The following PRKAG2 variants were observed in gnomAD, a reference collection of about 807,000 sequenced individuals.
PRKAG2 encodes the protein 5'-AMP-activated protein kinase subunit gamma-2.
Under a neutral mutation model 69.6 loss-of-function variants are expected in PRKAG2, and 26 were observed. The observed-to-expected ratio is 0.37, with a 90% CI of 0.27 to 0.52. The LOEUF (loss-of-function observed/expected upper bound fraction) is 0.52. Ranked by LOEUF, PRKAG2 falls within the 20% of genes least tolerant of loss-of-function variation. The pLI is 0.90. For synonymous variants in PRKAG2, 293 were observed against 285.0 expected (o/e 1.03, Z -0.28); for missense variants, 557 against 740.0 (o/e 0.75, Z 2.87).
chr7:151,796,783 G>A (rs1324411749), intron 1 of PRKAG2, among the ~76,000 whole-genome samples: 3 of 152,074 alleles, frequency 2.0e-5, no homozygotes, highest in Non-Finnish European at 4.4e-5. Context: ...GACGGCCCGG[G>A]GGCCAGTAAA....
intron 1 of PRKAG2, among the ~76,000 whole-genome samples, chr7:151,823,575 A>G (rs1183617922): frequency 6.6e-6 from 1 of 151,906 alleles, no homozygotes; most frequent in Non-Finnish European, 1.5e-5. Flanking sequence ...CTGCCTAACC[A>G]GTCCTGGCCT....
At chr7:151,640,661 C>T (rs1027430864) in intron 4 of PRKAG2, among the ~76,000 whole-genome samples, 12 of 147,846 alleles carry the variant, frequency 8.1e-5, no homozygotes, top group South Asian at 6.2e-4. Flanking sequence ...CTTCCCCCAC[C>T]GCCTTCCTTC....
intron 1 of PRKAG2, among the ~76,000 whole-genome samples, chr7:151,867,908 G>A (rs549830900): frequency 1.3e-5 from 2 of 152,252 alleles, no homozygotes; most frequent in South Asian, 4.1e-4. Context: ...CACAGTGGAG[G>A]TCACTGCAGG....
intron 3 of PRKAG2, among the ~76,000 whole-genome samples, chr7:151,759,501 G>A (rs1030076800): frequency 2.7e-4 from 41 of 152,314 alleles, no homozygotes; most frequent in African/African-American, 9.6e-4. Context: ...CTCATGTAAC[G>A]TGGTGCAGGT....
At chr7:151,747,536 G>A (rs1017407432) in intron 3 of PRKAG2, among the ~76,000 whole-genome samples, 5 of 150,388 alleles carry the variant, frequency 3.3e-5, no homozygotes, top group African/African-American at 7.4e-5. Flanking sequence ...CAGCCTGGGT[G>A]ATAGAGAGAG....
intron 3 of PRKAG2, among the ~76,000 whole-genome samples, chr7:151,724,546 G>A (rs938940065): frequency 6.6e-6 from 1 of 152,112 alleles, no homozygotes; most frequent in Non-Finnish European, 1.5e-5. Flanking sequence ...GGCCCTTGGA[G>A]GGTAGAGCTG....
chr7:151,803,293 C>T (rs4725434), intron 1 of PRKAG2, among the ~76,000 whole-genome samples: 42,923 of 151,806 alleles, frequency 0.28, 6,295 homozygotes, highest in East Asian at 0.4. Flanking sequence ...GCTGGGGAGC[C>T]GGAATTCCTT....
intron 1 of PRKAG2, among the ~76,000 whole-genome samples, chr7:151,838,621 C>T (rs58953739): frequency 0.072 from 10,782 of 150,748 alleles, 781 homozygotes; most frequent in East Asian, 0.37. Context: ...GTGGGAGGAC[C>T]GCTGGAGCCA....
At chr7:151,619,328 C>A (rs1820919608) in intron 5 of PRKAG2, among the ~76,000 whole-genome samples, 1 of 152,200 alleles carries the variant, frequency 6.6e-6, no homozygotes, top group Admixed American at 6.5e-5. Context: ...GAGTGAGACC[C>A]ACCTTGGCAG....
intron 8 of PRKAG2, among the ~76,000 whole-genome samples, chr7:151,572,982 G>T (rs1290750420): frequency 1.3e-5 from 2 of 151,918 alleles, no homozygotes; most frequent in African/African-American, 4.8e-5. Flanking sequence ...GCATATTGGT[G>T]GGTGCCTGTA....
At chr7:151,761,870 C>T (rs1223090003) in intron 3 of PRKAG2, among the ~76,000 whole-genome samples, 3 of 152,206 alleles carry the variant, frequency 2.0e-5, no homozygotes, top group Admixed American at 1.3e-4. Flanking sequence ...AAACCATGTC[C>T]CCAGACCACA....
chr7:151,766,353 G>A (rs943549299), intron 3 of PRKAG2, among the ~76,000 whole-genome samples: 1 of 152,246 alleles, frequency 6.6e-6, no homozygotes, highest in African/African-American at 2.4e-5. Flanking sequence ...GAAGAGTCTT[G>A]TCAAAAGGAG....
rs117776465 is a variant in PRKAG2, at chr7:151,669,257, A to T, written c.684+6163T>A. Among the ~76,000 whole-genome samples, 189 of 152,210 alleles carry T rather than the reference A, an allele frequency of 1.2e-3. No homozygotes were observed. The Middle Eastern group carries it at 0.02, about 16-fold the overall frequency. ...TCTCTCACATCAGGATACTTGAGCTATCTACACTAGAGATCACCACTTCTT... is the reference window on the plus strand; with the variant it reads ...TCTCTCACATCAGGATACTTGAGCTTTCTACACTAGAGATCACCACTTCTT... On this transcript the variant is annotated intron_variant, in intron 4 of 15. Transcript: ENST00000287878.
At chr7:151,676,261 C>T (rs71539894) in intron 3 of PRKAG2, among the ~76,000 whole-genome samples, 12 of 2,414 alleles carry the variant, frequency 5.0e-3, no homozygotes, top group South Asian at 0.014. Context: ...GGGGAGGGGA[C>T]GGGAGGGGAG....
intron 3 of PRKAG2, among the ~76,000 whole-genome samples, chr7:151,707,032 G>A (rs907449383): frequency 6.6e-6 from 1 of 152,252 alleles, no homozygotes; most frequent in Non-Finnish European, 1.5e-5. Context: ...TGCGTCCTGG[G>A]TGCCCCAGCC....
At position 151,797,010 on chromosome 7, in the gene PRKAG2, C is replaced by T. The variant is rs189406505; in HGVS notation, c.115-10469G>A. Among the ~76,000 whole-genome samples, 1,113 of 152,252 alleles carry T rather than the reference C, an allele frequency of 7.3e-3. 9 individuals are homozygous for T. The highest frequency in any genetic ancestry group is 0.021 in the African/African-American group (871 of 41,528). On this transcript the variant is annotated intron_variant, in intron 1 of 15. Transcript: ENST00000287878. Reference sequence around the variant, plus strand: ...CAGCCAATACCAGCATAGAGCCCTCCGTGGGCACTACCGACTCAAGGGAAA... The same window carrying T: ...CAGCCAATACCAGCATAGAGCCCTCTGTGGGCACTACCGACTCAAGGGAAA...
chr7:151,809,019 G>A (rs1029526007), intron 1 of PRKAG2, among the ~76,000 whole-genome samples: 1 of 152,164 alleles, frequency 6.6e-6, no homozygotes, highest in Non-Finnish European at 1.5e-5. Flanking sequence ...TCCCCCTGGA[G>A]TTCGTGTTGG....
In PRKAG2 at chr7:151,767,107, C is replaced by A. The variant is rs547722223; in HGVS notation, c.466+14045G>T. On this transcript the variant is annotated intron_variant, in intron 3 of 15. Coordinates refer to ENST00000287878, the MANE Select transcript of PRKAG2 (RefSeq NM_016203.4). ...CACAGAGACATGTGCATGGAAAAAC[C>A]TCTGTGAAGATGAAGGCGGAGACTG... Among the ~76,000 whole-genome samples, 5 of 152,256 alleles carry A rather than the reference C, an allele frequency of 3.3e-5. 1 individual carries two copies. The highest frequency in any genetic ancestry group is 1.2e-4 in the African/African-American group (5 of 41,536).
chr7:151,869,033 C>A (rs2080150113), intron 1 of PRKAG2, among the ~76,000 whole-genome samples: 1 of 152,122 alleles, frequency 6.6e-6, no homozygotes, highest in Non-Finnish European at 1.5e-5. Context: ...TCAGCACAGT[C>A]CAAATTGCAA....
Sources: allele counts gnomAD v4.1 joint callset (sites outside exome capture counted in the v4.1 genomes callset), GRCh38; gene constraint gnomAD v4.1.1; transcripts MANE v1.5; gene names NCBI Gene and HGNC (gene_info 2026-07-23, HGNC 2026-07-21).